The following IDO2 variants were observed in gnomAD, a reference collection of about 807,000 sequenced individuals.
IDO2 encodes indoleamine 2,3-dioxygenase 2, also known as indoleamine 2,3-dioxygenase-like 1 protein.
IDO2 carries 46 observed loss-of-function variants against 45.1 expected under a neutral mutation model. That is an observed-to-expected ratio of 1.02 (90% CI 0.80 to 1.30). IDO2 has a LOEUF of 1.30. Ranked by LOEUF, IDO2 falls within the 50% of genes most tolerant of loss-of-function variation. The pLI is 0.00. For synonymous variants in IDO2, 218 were observed against 184.9 expected, an observed-to-expected ratio of 1.18 and a Z score of -1.45; for missense variants, 544 against 491.8, an observed-to-expected ratio of 1.11 and a Z score of -1.00.
intron 1 of IDO2, among the ~76,000 whole-genome samples, chr8:39,946,768 A>G (rs990802886): frequency 6.6e-6 from 1 of 151,860 alleles, no homozygotes; most frequent in Admixed American, 6.6e-5. Context: ...CTCTGTCTAG[A>G]CAGTGGGCAA....
chr8:39,979,306 G>A (rs1585408830), intron 4 of IDO2, 120 bp downstream of exon 4: 1 of 1,029,430 alleles, frequency 9.7e-7, no homozygotes, highest in Non-Finnish European at 1.4e-6. Context: ...TCTTCTCGAT[G>A]GGCATCAGTT....
chr8:39,992,677 A>G (rs1175010276), intron 8 of IDO2, among the ~76,000 whole-genome samples: 1 of 152,146 alleles, frequency 6.6e-6, no homozygotes, highest in Non-Finnish European at 1.5e-5. Context: ...TGTAATGATA[A>G]ACTTTCTTCT....
chr8:39,964,811 G>T (rs549048211), intron 3 of IDO2, among the ~76,000 whole-genome samples: 34 of 152,266 alleles, frequency 2.2e-4, no homozygotes, highest in Admixed American at 7.8e-4. Context: ...TCCAATGATG[G>T]AATAAAAATT....
chr8:40,001,245 A>ATTTTTTTTTTTTTTTTTTTTT (rs1187145007), intron 8 of IDO2, among the ~76,000 whole-genome samples: 1 of 94,468 alleles, frequency 1.1e-5, no homozygotes. Flanking sequence ...GGCTTTCCTC[A>ATTTTTTTTTTTTTTTTTTTTT]TTTTTTTTTT....
At chr8:39,993,716 A>G (rs1406912242) in intron 8 of IDO2, among the ~76,000 whole-genome samples, 1 of 152,194 alleles carries the variant, frequency 6.6e-6, no homozygotes, top group African/African-American at 2.4e-5. Flanking sequence ...TGACCTAGAA[A>G]AGATGTTCAC....
chr8:40,003,034 A>G (rs760929967), intron 8 of IDO2, among the ~76,000 whole-genome samples: 1 of 152,166 alleles, frequency 6.6e-6, no homozygotes. Context: ...ATATATCCAG[A>G]CAGAGAACTC....
intron 1 of IDO2, among the ~76,000 whole-genome samples, chr8:39,945,821 G>A (rs1861904): frequency 0.38 from 58,204 of 152,108 alleles, 12,280 homozygotes; most frequent in Non-Finnish European, 0.48. Flanking sequence ...AATTATGACT[G>A]AGACAGCGAA....
intron 2 of IDO2, among the ~76,000 whole-genome samples, chr8:39,952,393 A>G (rs1400737943): frequency 6.6e-6 from 1 of 152,212 alleles, no homozygotes; most frequent in Non-Finnish European, 1.5e-5. Context: ...TTCCTTCAGT[A>G]TCTCTTTTGG....
At chr8:39,971,315 C>A (rs570313087) in intron 3 of IDO2, among the ~76,000 whole-genome samples, 1 of 152,174 alleles carries the variant, frequency 6.6e-6, no homozygotes, top group African/African-American at 2.4e-5. Flanking sequence ...ACTGTTGCGA[C>A]CTACTGCTCA....
exon 1 of IDO2, chr8:39,935,163 A>C: frequency 6.2e-7 from 1 of 1,609,672 alleles, no homozygotes; most frequent in Non-Finnish European, 8.5e-7. Flanking sequence ...TAGGAAATGA[A>C]GCTTGACACT....
intron 1 of IDO2, 109 bp from the exon 2 acceptor site, chr8:39,949,040 G>T: frequency 2.1e-6 from 3 of 1,429,220 alleles, no homozygotes; most frequent in Non-Finnish European, 2.8e-6. Flanking sequence ...TCAGGGAAAA[G>T]TTCTCTCCTG....
At chr8:39,982,099 A>T (rs1210192594) in intron 4 of IDO2, among the ~76,000 whole-genome samples, 1 of 152,050 alleles carries the variant, frequency 6.6e-6, no homozygotes, top group African/African-American at 2.4e-5. Flanking sequence ...TTCTGCATCT[A>T]GCTTTGTATC....
At chr8:39,979,608 T>G (rs753622819) in intron 4 of IDO2, among the ~76,000 whole-genome samples, 3 of 152,162 alleles carry the variant, frequency 2.0e-5, no homozygotes, top group Non-Finnish European at 2.9e-5. Flanking sequence ...CTGCCTGGGC[T>G]TCCCACAGTG....
chr8:39,985,759 A>G (rs1038224906), intron 6 of IDO2: 5 of 471,252 alleles, frequency 1.1e-5, no homozygotes, highest in African/African-American at 1.0e-4. Context: ...TCCAGTCTGT[A>G]CATAATAAAA....
At chr8:39,980,120 C>T (rs1808321162) in intron 4 of IDO2, among the ~76,000 whole-genome samples, 2 of 152,172 alleles carry the variant, frequency 1.3e-5, no homozygotes, top group South Asian at 4.1e-4. Flanking sequence ...CATGCCGGGC[C>T]TGAAGACAGA....
At chr8:40,002,237 A>G (rs1435720055) in intron 8 of IDO2, among the ~76,000 whole-genome samples, 1 of 152,214 alleles carries the variant, frequency 6.6e-6, no homozygotes, top group Non-Finnish European at 1.5e-5. Context: ...ATGGATAAGC[A>G]CAAACCTGCA....
chr8:39,963,409 C>T lies in IDO2; in HGVS notation c.100-199C>T, dbSNP rs559195681. Among the ~76,000 whole-genome samples the T allele has an allele frequency of 7.9e-5, 12 of 152,260 alleles. No homozygotes were observed. In the South Asian group the frequency reaches 2.5e-3, roughly 32 times the overall value. On this transcript the variant is annotated intron_variant, in intron 2 of 10. Transcript: ENST00000502986. ...ATATCTGACTAATGTGTTTTTCTCC[C>T]GTACTAGGCAATATGCTCCTTAGTC...
chr8:39,953,287 T>G (rs1807838465), intron 2 of IDO2, among the ~76,000 whole-genome samples: 1 of 152,130 alleles, frequency 6.6e-6, no homozygotes, highest in African/African-American at 2.4e-5. Context: ...ACATGCAAGG[T>G]GGTTTAGAGT....
chr8:40,011,149 G>A (rs983449313), intron 9 of IDO2, among the ~76,000 whole-genome samples: 6 of 152,118 alleles, frequency 3.9e-5, no homozygotes, highest in Non-Finnish European at 8.8e-5. Context: ...GACCTCAATC[G>A]ATCTCCCCGC....
Sources: gnomAD v4.1 joint callset for allele counts (sites outside exome capture counted in the v4.1 genomes callset) on GRCh38, gnomAD v4.1.1 for gene constraint, MANE v1.5 for transcripts, NCBI Gene and HGNC (gene_info 2026-07-23, HGNC 2026-07-21) for gene names.